Variants in TRAK1 observed in about 807,000 individuals in gnomAD.
TRAK1 encodes the protein trafficking kinesin-binding protein 1.
A neutral mutation model predicts 92.1 loss-of-function variants in TRAK1; 33 were observed. The observed-to-expected ratio is 0.36, with a 90% CI of 0.27 to 0.48. TRAK1 has a LOEUF of 0.48. Among genes scored for constraint, TRAK1 ranks in the 20% least tolerant of loss-of-function variants. The pLI is 0.99. For synonymous variants in TRAK1, 521 were observed against 517.3 expected (o/e 1.01, Z -0.10); for missense variants, 1,123 against 1,257.9 (o/e 0.89, Z 1.62).
chr3:42,209,745 TC>T, intron 13 of TRAK1, 21 bp from the exon 14 acceptor site: 1 of 1,608,242 alleles, frequency 6.2e-7, no homozygotes, highest in Non-Finnish European at 8.5e-7. Context: ...TCCCCCTTCT[TC>T]CCTTCCCTTT....
intron 14 of TRAK1, chr3:42,218,043 C>T: frequency 1.0e-6 from 1 of 985,242 alleles, no homozygotes; most frequent in Non-Finnish European, 1.2e-6. Context: ...ACGTCAGGTG[C>T]CATGGGAGCC....
chr3:42,190,146 G>C (rs4682998), intron 6 of TRAK1, among the ~76,000 whole-genome samples: 127,577 of 152,182 alleles, frequency 0.84, 54,107 homozygotes, highest in East Asian at 0.99. Flanking sequence ...AACACCGATA[G>C]GTGCAAATTT....
At position 42,144,679 on chromosome 3, in the gene TRAK1, GTA is replaced by G. The variant is rs1272057244; in HGVS notation, c.286+19069_286+19070del. On this transcript the variant is annotated intron_variant, in intron 2 of 15. Coordinates refer to ENST00000327628, the MANE Select transcript of TRAK1 (RefSeq NM_001042646.3). ...AAGCAAATAAGGGATTTGTATCCTT[GTA>G]TATTTTTTTTTAACTTTAACAAAAT... 6.1e-5 allele frequency among the ~76,000 whole-genome samples: 9 copies of G among 148,112 alleles called. No individual in the cohort carries two copies. In the East Asian group the frequency reaches 1.5e-3, roughly 25 times the overall value.
At chr3:42,106,973 C>A (rs1707652466) in intron 1 of TRAK1, among the ~76,000 whole-genome samples, 1 of 152,200 alleles carries the variant, frequency 6.6e-6, no homozygotes, top group South Asian at 2.1e-4. Flanking sequence ...AGATTTTGTA[C>A]TATTAATAAA....
At chr3:42,149,493 T>C in intron 2 of TRAK1, 1 of 1,536,018 alleles carries the variant, frequency 6.5e-7, no homozygotes, top group Non-Finnish European at 8.7e-7. Flanking sequence ...TTGACGTTGA[T>C]GGTGCTGTGA....
rs118083332 is a variant in TRAK1, at chr3:42,157,390, C to T, written c.287-19424C>T. The stretch of plus-strand genomic sequence containing the variant: ...GGGAAGATCCCTTGAGCCTAGAGGT[C>T]GAGGCTGCAGTGAGCCATGATCATA... On this transcript the variant is annotated intron_variant, in intron 2 of 15. Transcript: ENST00000327628. Among the ~76,000 whole-genome samples, 121 of 128,836 alleles carry T rather than the reference C, an allele frequency of 9.4e-4. 2 individuals carry two copies. The East Asian group carries it at 0.03, about 32-fold the overall frequency. 84.5% of individuals were successfully genotyped at this position (128,836 alleles called of 152,430 possible).
At chr3:42,111,810 T>G (rs997144473) in intron 1 of TRAK1, among the ~76,000 whole-genome samples, 2 of 152,192 alleles carry the variant, frequency 1.3e-5, no homozygotes, top group East Asian at 3.8e-4. Flanking sequence ...GGGTTTATAG[T>G]TTTGTAACCC....
intron 2 of TRAK1, among the ~76,000 whole-genome samples, chr3:42,151,068 A>G (rs549898302): frequency 3.9e-4 from 59 of 152,336 alleles, no homozygotes; most frequent in African/African-American, 1.4e-3. Flanking sequence ...GATTGAATAC[A>G]TCCTCACTGT....
chr3:42,060,625 C>CTTT (rs1299725245), intron 1 of TRAK1, among the ~76,000 whole-genome samples: 9 of 123,296 alleles, frequency 7.3e-5, no homozygotes, highest in African/African-American at 9.6e-5. Flanking sequence ...TTTTTGGCTG[C>CTTT]TTTTTTTTTT....
chr3:42,113,040 G>A (rs1255928805), intron 1 of TRAK1, among the ~76,000 whole-genome samples: 1 of 152,046 alleles, frequency 6.6e-6, no homozygotes, highest in Non-Finnish European at 1.5e-5. Flanking sequence ...CAAAGTGCTG[G>A]GATTACAGGC....
intron 1 of TRAK1, among the ~76,000 whole-genome samples, chr3:42,027,935 C>G (rs1048885465): frequency 5.3e-5 from 8 of 152,194 alleles, no homozygotes; most frequent in Admixed American, 1.3e-4. Flanking sequence ...CTGCAACCTC[C>G]GCCTCCTGAG....
At chr3:42,057,411 C>G (rs1364137278) in intron 1 of TRAK1, among the ~76,000 whole-genome samples, 2 of 152,168 alleles carry the variant, frequency 1.3e-5, no homozygotes, top group African/African-American at 2.4e-5. Flanking sequence ...CCATCTCTGC[C>G]ACACTTTCTT....
intron 2 of TRAK1, among the ~76,000 whole-genome samples, chr3:42,136,025 C>T (rs975667281): frequency 6.6e-6 from 1 of 152,168 alleles, no homozygotes; most frequent in Non-Finnish European, 1.5e-5. Flanking sequence ...GGTGCCTTCC[C>T]CTGTTCTCCT....
At chr3:42,028,448 G>A (rs922355279) in intron 1 of TRAK1, among the ~76,000 whole-genome samples, 2 of 152,188 alleles carry the variant, frequency 1.3e-5, no homozygotes, top group African/African-American at 4.8e-5. Context: ...GACAGTCCAG[G>A]TCTGGGGGCA....
At chr3:42,196,956 CCTCTCTCT>C (rs145953745) in intron 10 of TRAK1, among the ~76,000 whole-genome samples, 1 of 143,508 alleles carries the variant, frequency 7.0e-6, no homozygotes, top group Admixed American at 7.2e-5. Flanking sequence ...TCTCCTTTCT[CCTCTCTCT>C]CTCTCTCTCT....
intron 1 of TRAK1, among the ~76,000 whole-genome samples, chr3:42,020,031 A>G (rs780501534): frequency 6.6e-6 from 1 of 152,234 alleles, no homozygotes; most frequent in Non-Finnish European, 1.5e-5. Context: ...TCAGCTGTTC[A>G]TGCCAAAGGG....
intron 14 of TRAK1, chr3:42,212,052 T>C (rs532620848): frequency 2.0e-6 from 2 of 985,390 alleles, no homozygotes; most frequent in East Asian, 1.1e-4. Context: ...AACAATGAAT[T>C]GGCTCTATTT....
upstream of TRAK1, among the ~76,000 whole-genome samples, chr3:42,090,528 A>G (rs1026614526): frequency 6.6e-6 from 1 of 152,234 alleles, no homozygotes; most frequent in African/African-American, 2.4e-5. Flanking sequence ...TCTACTAAAA[A>G]TATAAAAACT....
rs537426753 is a variant in TRAK1, at chr3:42,204,626, C to T, written c.1744+1874C>T. ...TTGAAACAGGGTCTCGCTGTGTCAC[C>T]CAGGCTGCAGTACAGTAGTGTGATC... On this transcript the variant is annotated intron_variant, in intron 13 of 15. Coordinates refer to ENST00000327628, the MANE Select transcript of TRAK1 (RefSeq NM_001042646.3). Among the ~76,000 whole-genome samples, 6 of 152,102 alleles carry T rather than the reference C, an allele frequency of 3.9e-5. No homozygotes were observed. The South Asian group carries it at 1.0e-3, about 26-fold the overall frequency.
Sources: allele counts gnomAD v4.1 joint callset (sites outside exome capture counted in the v4.1 genomes callset), GRCh38; gene constraint gnomAD v4.1.1; transcripts MANE v1.5; gene names NCBI Gene and HGNC (gene_info 2026-07-23, HGNC 2026-07-21).